The following CHD1L variants were observed in gnomAD, a reference collection of about 807,000 sequenced individuals.
The protein encoded by CHD1L is ATP-dependent chromatin remodeler CHD1L.
CHD1L carries 118 observed loss-of-function variants against 115.9 expected under a neutral mutation model. The observed-to-expected ratio is 1.02, with a 90% CI of 0.88 to 1.19. CHD1L has a LOEUF of 1.19. Ranked by LOEUF, CHD1L falls within the 50% of genes most tolerant of loss-of-function variation. The pLI is 0.00. For synonymous variants in CHD1L, 411 were observed against 387.1 expected, an observed-to-expected ratio of 1.06 and a Z score of -0.72; for missense variants, 1,179 against 1,065.3, an observed-to-expected ratio of 1.11 and a Z score of -1.49.
the CHD1L span, chr1:147,203,543 C>A: frequency 1.1e-6 from 1 of 934,246 alleles, no homozygotes; most frequent in Non-Finnish European, 1.8e-6. Flanking sequence ...ACTTCATTGG[C>A]CTTAACTCCA....
At chr1:147,230,410 C>T in the CHD1L span, among the ~76,000 whole-genome samples, 1 of 83,374 alleles carries the variant, frequency 1.2e-5, no homozygotes, top group Non-Finnish European at 2.0e-5. Context: ...TTCAGTTTGC[C>T]AGTATTTTAT....
intron 6 of CHD1L, among the ~76,000 whole-genome samples, chr1:147,261,380 C>T (rs1671857898): frequency 6.8e-6 from 1 of 146,902 alleles, no homozygotes; most frequent in African/African-American, 2.5e-5. Context: ...GAAGAGCAAG[C>T]TATCCAAATG....
At chr1:147,246,155 T>C (rs1666551144) in intron 1 of CHD1L, among the ~76,000 whole-genome samples, 3 of 152,240 alleles carry the variant, frequency 2.0e-5, no homozygotes, top group African/African-American at 7.2e-5. Flanking sequence ...ATACAATATG[T>C]AGCCTTTGGG....
At chr1:147,280,575 T>C (rs1376321813) in intron 15 of CHD1L, among the ~76,000 whole-genome samples, 1 of 152,230 alleles carries the variant, frequency 6.6e-6, no homozygotes, top group African/African-American at 2.4e-5. Flanking sequence ...ATTACTTGTT[T>C]TTAAAATTGC....
chr1:147,204,936 C>A, the CHD1L span: 9 of 1,548,466 alleles, frequency 5.8e-6, no homozygotes, highest in African/African-American at 1.2e-4. Flanking sequence ...GCGCCATGGC[C>A]AGCCTGCAGG....
chr1:147,262,571 A>G (rs979492741), intron 6 of CHD1L, among the ~76,000 whole-genome samples: 16 of 152,132 alleles, frequency 1.1e-4, no homozygotes, highest in African/African-American at 3.6e-4. Flanking sequence ...TACTTGGTGA[A>G]CACATATTGT....
intron 4 of CHD1L, 89 bp from the exon 5 acceptor site, chr1:147,256,442 A>G (rs1559756189): frequency 4.4e-6 from 5 of 1,144,334 alleles, no homozygotes; most frequent in Non-Finnish European, 6.5e-6. Context: ...GATAAATCCT[A>G]TAGTTTAAGA....
At position 147,268,789 on chromosome 1, in the gene CHD1L, GC is replaced by G; in HGVS notation, c.998del (p.Pro333ArgfsTer10). ...DHPYLFDGVE[P>X]EPFEVGDHLT... ...GGGTTCTTTCTTTTCTAGGTGTGGA[GC>G]CGGAGCCTTTTGAAGTTGGAGACCA... is the stretch of plus-strand genomic sequence containing the variant. On this transcript the variant is annotated frameshift_variant, in exon 10 of 23. Coordinates refer to ENST00000369258, the MANE Select transcript of CHD1L (RefSeq NM_004284.6). LOFTEE classifies it high-confidence loss of function. 1 of 1,613,186 alleles carries G rather than the reference GC, an allele frequency of 6.2e-7. No homozygotes were observed. The highest frequency in any genetic ancestry group is 8.5e-7 in the Non-Finnish European group (1 of 1,179,432).
At chr1:147,284,135 G>GCTCT (rs1254522018) in intron 15 of CHD1L, among the ~76,000 whole-genome samples, 28 of 152,170 alleles carry the variant, frequency 1.8e-4, no homozygotes, top group African/African-American at 6.8e-4. Flanking sequence ...TTTAAGCCAT[G>GCTCT]CTCTCCCCTT....
At chr1:147,189,479 A>C in the CHD1L span, among the ~76,000 whole-genome samples, 16 of 152,258 alleles carry the variant, frequency 1.1e-4, no homozygotes, top group African/African-American at 3.9e-4. Context: ...AAAGTTATGC[A>C]AGTATCATCA....
chr1:147,294,544 G>C (rs782451465), intron 22 of CHD1L, 27 bp downstream of exon 22: 1 of 1,556,600 alleles, frequency 6.4e-7, no homozygotes, highest in African/African-American at 1.4e-5. Flanking sequence ...TTCATTGTGT[G>C]TTCTCCCAAC....
At chr1:147,270,091 G>T (rs1385293910) in intron 10 of CHD1L, among the ~76,000 whole-genome samples, 1 of 152,146 alleles carries the variant, frequency 6.6e-6, no homozygotes, top group African/African-American at 2.4e-5. Flanking sequence ...GAGGTTTTCA[G>T]GTTCATTGCT....
At chr1:147,292,043 CT>C (rs1685744349) in intron 20 of CHD1L, among the ~76,000 whole-genome samples, 1 of 152,174 alleles carries the variant, frequency 6.6e-6, no homozygotes, top group South Asian at 2.1e-4. Context: ...ATAGTCTCCA[CT>C]GTACTTCCCC....
chr1:147,202,474 CA>C, the CHD1L span, among the ~76,000 whole-genome samples: 77 of 152,086 alleles, frequency 5.1e-4, no homozygotes, highest in East Asian at 0.014. Flanking sequence ...CACCTGCCAC[CA>C]TGCCTGGCTA....
the CHD1L span, among the ~76,000 whole-genome samples, chr1:147,194,833 G>GC: frequency 6.6e-6 from 1 of 151,898 alleles, no homozygotes; most frequent in Non-Finnish European, 1.5e-5. Context: ...TTGAATATTG[G>GC]CCCCCACTCT....
At chr1:147,209,246 C>A in the CHD1L span, among the ~76,000 whole-genome samples, 1 of 152,030 alleles carries the variant, frequency 6.6e-6, no homozygotes, top group African/African-American at 2.4e-5. Context: ...AGTGAAACCC[C>A]GTCTCTACTG....
At chr1:147,284,531 C>A in intron 16 of CHD1L, 32 bp downstream of exon 16, 1 of 1,506,838 alleles carries the variant, frequency 6.6e-7, no homozygotes, top group Non-Finnish European at 8.8e-7. Context: ...AAAAGTTGTT[C>A]TTCCAAACTC....
the CHD1L span, among the ~76,000 whole-genome samples, chr1:147,189,448 TCTC>T: frequency 6.6e-6 from 1 of 152,018 alleles, no homozygotes; most frequent in Non-Finnish European, 1.5e-5. Context: ...AAACTTACTT[TCTC>T]CTCCTCCCAC....
chr1:147,276,282 A>C, intron 14 of CHD1L, 25 bp downstream of exon 14: 3 of 1,612,908 alleles, frequency 1.9e-6, no homozygotes, highest in Non-Finnish European at 2.5e-6. Context: ...ACTGTTCTTC[A>C]CTTTGGAATA....
Sources: allele counts gnomAD v4.1 joint callset (sites outside exome capture counted in the v4.1 genomes callset), GRCh38; gene constraint gnomAD v4.1.1; transcripts MANE v1.5; gene names NCBI Gene and HGNC (gene_info 2026-07-23, HGNC 2026-07-21).